PSD3: variants seen among roughly 807,000 people sequenced by gnomAD.
PSD3 encodes the protein PH and SEC7 domain-containing protein 3.
A neutral mutation model predicts 105.5 loss-of-function variants in PSD3; 49 were observed. That is an observed-to-expected ratio of 0.46 (90% CI 0.37 to 0.59). The LOEUF is 0.59. PSD3 is among the 20% of genes least tolerant of loss of function. The pLI is 0.00. For missense variants in PSD3, 1,561 were observed against 1,263.8 expected, an observed-to-expected ratio of 1.24 and a Z score of -3.57; for synonymous variants, 557 against 457.8, an observed-to-expected ratio of 1.22 and a Z score of -2.77.
At chr8:18,613,055 C>T (rs73213617) in intron 11 of PSD3, among the ~76,000 whole-genome samples, 2,049 of 152,130 alleles carry the variant, frequency 0.013, 33 homozygotes, top group Non-Finnish European at 0.021. Flanking sequence ...TAAGGGTTAC[C>T]GGAAACGTGT....
intron 4 of PSD3, among the ~76,000 whole-genome samples, chr8:18,851,754 T>G (rs1815590611): frequency 6.6e-6 from 1 of 152,210 alleles, no homozygotes; most frequent in African/African-American, 2.4e-5. Flanking sequence ...CATCTGTACT[T>G]CTGCAACAAC....
chr8:18,635,559 T>C (rs965129860), intron 10 of PSD3, among the ~76,000 whole-genome samples: 2 of 152,030 alleles, frequency 1.3e-5, no homozygotes, highest in African/African-American at 4.8e-5. Context: ...TAAAACAGCC[T>C]CAGGCAGGTC....
chr8:18,586,061 G>C (rs1258722978), intron 12 of PSD3, among the ~76,000 whole-genome samples: 1 of 152,106 alleles, frequency 6.6e-6, no homozygotes, highest in Non-Finnish European at 1.5e-5. Context: ...TAATACCTAA[G>C]AGGCTGCCGA....
chr8:18,855,443 A>G (rs1815931014), intron 4 of PSD3, among the ~76,000 whole-genome samples: 1 of 152,216 alleles, frequency 6.6e-6, no homozygotes, highest in African/African-American at 2.4e-5. Flanking sequence ...AAAATAGGTT[A>G]TAGTATGTTC....
chr8:18,535,241 G>A lies in PSD3; in HGVS notation c.*502C>T, dbSNP rs1799788340. 6.2e-6 allele frequency: 1 copy of A among 161,902 alleles called. No homozygotes were observed. The highest frequency in any genetic ancestry group is 1.7e-4 in the South Asian group (1 of 5,946). The allele number at this position is 161,902 out of a possible 1,614,324, so 10.0% of individuals were successfully genotyped here. A position where few individuals can be genotyped will look rare whatever the true frequency, so the allele number is the denominator to read the frequency against. ...TTGGAGCAACTAGATTCCCAGCACT[G>A]TGATTCTTACTGGAGCATCTGTGAG... On this transcript the variant is annotated 3_prime_UTR_variant, in exon 16 of 16. Transcript: ENST00000327040.
chr8:18,699,332 T>A (rs944853938), intron 9 of PSD3, among the ~76,000 whole-genome samples: 2 of 152,228 alleles, frequency 1.3e-5, no homozygotes, highest in South Asian at 2.1e-4. Flanking sequence ...ACCAGGAATA[T>A]CTAGCTTTGA....
intron 2 of PSD3, among the ~76,000 whole-genome samples, chr8:18,887,913 C>A (rs906950671): frequency 1.1e-4 from 16 of 152,176 alleles, no homozygotes; most frequent in Non-Finnish European, 1.3e-4. Flanking sequence ...TTTCTACCAG[C>A]AGCCCTGTGG....
chr8:18,614,766 C>G (rs1805532728), intron 11 of PSD3, among the ~76,000 whole-genome samples: 1 of 151,850 alleles, frequency 6.6e-6, no homozygotes, highest in Non-Finnish European at 1.5e-5. Context: ...GAAGCTGGGA[C>G]TACAGGTGTG....
Position 18,532,411 on chromosome 8 carries a change from C to T in PSD3, c.*3332G>A, listed in dbSNP as rs2129873184. On this transcript the variant is annotated 3_prime_UTR_variant, in exon 16 of 16. Coordinates refer to ENST00000327040, the MANE Select transcript of PSD3 (RefSeq NM_015310.4). ...TCACTTTTGCCCAGGGGCCAGTCCT[C>T]ATTTTCTAGATTAGGATAACAGTTG... The T allele has an allele frequency of 6.6e-6, 1 of 152,330 alleles. No individual in the cohort carries two copies. The highest frequency in any genetic ancestry group is 2.1e-4 in the South Asian group (1 of 4,826). The allele number at this position is 152,330 out of a possible 1,614,324, so 9.4% of individuals were successfully genotyped here.
At chr8:18,857,509 C>A (rs1816112467) in intron 4 of PSD3, among the ~76,000 whole-genome samples, 1 of 152,314 alleles carries the variant, frequency 6.6e-6, no homozygotes. Flanking sequence ...AGGTGCCACT[C>A]TAACAAATAG....
intron 11 of PSD3, among the ~76,000 whole-genome samples, chr8:18,610,107 T>C (rs1045225432): frequency 3.3e-5 from 5 of 152,212 alleles, no homozygotes; most frequent in Non-Finnish European, 7.3e-5. Context: ...TTAATCCTTA[T>C]AGTCTTTCTC....
intron 1 of PSD3, among the ~76,000 whole-genome samples, chr8:19,079,076 G>T (rs943886280): frequency 7.9e-5 from 12 of 152,110 alleles, no homozygotes; most frequent in African/African-American, 2.9e-4. Flanking sequence ...CTTCCAGGAG[G>T]ATTGCACCTA....
At chr8:19,028,288 C>CCA (rs1554571609) in intron 1 of PSD3, among the ~76,000 whole-genome samples, 7 of 110,678 alleles carry the variant, frequency 6.3e-5, no homozygotes, top group African/African-American at 1.8e-4. Context: ...ACCCCCCCCC[C>CCA]CCGGCCCACC....
chr8:18,817,357 G>A (rs991686249), intron 4 of PSD3, among the ~76,000 whole-genome samples: 11 of 152,180 alleles, frequency 7.2e-5, no homozygotes, highest in African/African-American at 2.6e-4. Context: ...TCATCTAAGG[G>A]TCCAGACTCT....
At chr8:18,582,434 T>A (rs1232506775) in intron 12 of PSD3, among the ~76,000 whole-genome samples, 1 of 152,164 alleles carries the variant, frequency 6.6e-6, no homozygotes, top group East Asian at 1.9e-4. Flanking sequence ...CTGGCCACAT[T>A]GCACAGGCTC....
chr8:18,823,102 A>G (rs1158517734), intron 4 of PSD3, among the ~76,000 whole-genome samples: 3 of 151,892 alleles, frequency 2.0e-5, no homozygotes, highest in Non-Finnish European at 4.4e-5. Context: ...AGACAGGAAA[A>G]AAAAAAAAAA....
intron 11 of PSD3, among the ~76,000 whole-genome samples, chr8:18,622,910 T>C (rs762618872): frequency 6.6e-6 from 1 of 152,228 alleles, no homozygotes; most frequent in African/African-American, 2.4e-5. Flanking sequence ...ACAATATTTA[T>C]ATTTTAATGT....
chr8:18,648,024 A>G (rs775997896), intron 10 of PSD3, among the ~76,000 whole-genome samples: 11 of 152,226 alleles, frequency 7.2e-5, no homozygotes, highest in Non-Finnish European at 1.5e-4. Flanking sequence ...ACCATCAGCC[A>G]ATTAAACTTC....
At chr8:18,731,834 G>A (rs57781499) in intron 9 of PSD3, among the ~76,000 whole-genome samples, 14,128 of 152,112 alleles carry the variant, frequency 0.093, 1,066 homozygotes, top group East Asian at 0.39. Flanking sequence ...ACTCTCCTTG[G>A]AGTGTCTGGG....
Sources: allele counts gnomAD v4.1 joint callset (sites outside exome capture counted in the v4.1 genomes callset), GRCh38; gene constraint gnomAD v4.1.1; transcripts MANE v1.5; gene names NCBI Gene and HGNC (gene_info 2026-07-23, HGNC 2026-07-21).